VPS13C: variants seen among roughly 807,000 people sequenced by gnomAD.
The protein encoded by VPS13C is intermembrane lipid transfer protein VPS13C.
A neutral mutation model predicts 456.8 loss-of-function variants in VPS13C; 358 were observed. The ratio of observed to expected loss-of-function variants is 0.78; its 90% CI spans 0.72 to 0.86. The LOEUF is 0.86. Among genes scored for constraint, VPS13C ranks in the 40% least tolerant of loss-of-function variants. VPS13C has a pLI of 0.00. For synonymous variants in VPS13C, 1,578 were observed against 1,486.7 expected, an observed-to-expected ratio of 1.06 and a Z score of -1.41; for missense variants, 4,818 against 4,385.4, an observed-to-expected ratio of 1.10 and a Z score of -2.79.
chr15:61,939,569 G>A (rs1292328340), intron 47 of VPS13C, among the ~76,000 whole-genome samples: 1 of 151,952 alleles, frequency 6.6e-6, no homozygotes, highest in African/African-American at 2.4e-5. Context: ...TCCCATCCTC[G>A]GCTGTTTGGT....
intron 41 of VPS13C, 87 bp downstream of exon 41, chr15:61,950,271 G>A (rs556092617): frequency 6.2e-5 from 59 of 951,140 alleles, no homozygotes; most frequent in Admixed American, 3.6e-4. Flanking sequence ...TCTCACGTTA[G>A]AACTTACAAT....
chr15:61,864,542 T>A (rs890041376), intron 81 of VPS13C: 2 of 908,802 alleles, frequency 2.2e-6, no homozygotes, highest in African/African-American at 3.6e-5. Flanking sequence ...ATGCCAATAT[T>A]ATTAAAAGGA....
intron 35 of VPS13C, among the ~76,000 whole-genome samples, chr15:61,961,216 C>T (rs1453623346): frequency 6.6e-6 from 1 of 150,676 alleles, no homozygotes; most frequent in Non-Finnish European, 1.5e-5. Context: ...TGGTGAAACC[C>T]CATTTCTATT....
chr15:61,886,212 T>A (rs1472967641), intron 67 of VPS13C, among the ~76,000 whole-genome samples: 2 of 152,166 alleles, frequency 1.3e-5, no homozygotes, highest in Non-Finnish European at 2.9e-5. Flanking sequence ...TATTGTTTTT[T>A]GTATTTGTTA....
In VPS13C at chr15:61,917,599, C is replaced by T. The variant is rs762772134; in HGVS notation, c.7797G>A (p.Glu2599=). 16 of 1,612,666 alleles carry T rather than the reference C, an allele frequency of 9.9e-6. No individual in the cohort carries two copies. The Admixed American group carries it at 2.5e-4, about 25-fold the overall frequency. The change falls in exon 60 of 85, where the codon GAG becomes GAA. Residue 2599 remains glutamate, a synonymous_variant. Coordinates refer to ENST00000644861, the MANE Select transcript of VPS13C (RefSeq NM_020821.3). ...QLFIQPAGIL[E]HQYKESTTYI... ...AAGTGGTAGATTCTTTGTACTGATG[C>T]TCTAAGATTCCAGCTGGCTGGATAA...
chr15:61,865,194 C>T, intron 81 of VPS13C: 1 of 984,746 alleles, frequency 1.0e-6, no homozygotes. Flanking sequence ...TTTGCAAAAG[C>T]CCTTTACCCA....
chr15:61,886,023 T>A (rs1194308915), intron 67 of VPS13C, among the ~76,000 whole-genome samples: 1 of 152,126 alleles, frequency 6.6e-6, no homozygotes, highest in Non-Finnish European at 1.5e-5. Context: ...TGTCTTCAAT[T>A]CTTTAAGCAA....
chr15:62,046,254 G>A (rs1193110156), intron 1 of VPS13C, among the ~76,000 whole-genome samples: 1 of 152,044 alleles, frequency 6.6e-6, no homozygotes, highest in Non-Finnish European at 1.5e-5. Context: ...GTAACTTCAG[G>A]GTGAAAGACG....
chr15:61,917,547 T>A lies in VPS13C; in HGVS notation c.7849A>T (p.Arg2617Trp). 6.2e-7 allele frequency: 1 copy of A among 1,614,050 alleles called. No homozygotes were observed. The highest frequency in any genetic ancestry group is 8.5e-7 in the Non-Finnish European group (1 of 1,179,906). Residue 2617 changes from arginine to tryptophan, a missense_variant, in exon 60 of 85, where the codon AGG becomes TGG. Arg to Trp is a moderately radical substitution (Grantham distance 101). Coordinates refer to ENST00000644861, the MANE Select transcript of VPS13C (RefSeq NM_020821.3). ...AACATGCATCTGACTTCCCTGCTCCTATGAAGTTCTTCCTTCCAGGAAATA... is the reference window on the plus strand; with the variant it reads ...AACATGCATCTGACTTCCCTGCTCCAATGAAGTTCTTCCTTCCAGGAAATA... ...TYISWKEELH[R>W]SREVRCMLQC... is the part of the protein sequence containing the mutation.
intron 22 of VPS13C, among the ~76,000 whole-genome samples, chr15:61,980,072 T>C (rs1038293012): frequency 3.4e-5 from 5 of 148,570 alleles, no homozygotes; most frequent in Admixed American, 2.1e-4. Context: ...TAATCCCAGA[T>C]ACTTGTGAGG....
At chr15:62,012,946 G>T (rs2047097810) in intron 11 of VPS13C, 93 bp downstream of exon 11, 8 of 690,830 alleles carry the variant, frequency 1.2e-5, no homozygotes, top group Non-Finnish European at 2.3e-6. Context: ...TTAAACAAAT[G>T]GCTGATATCC....
chr15:62,004,527 C>T (rs2046762036), intron 15 of VPS13C, among the ~76,000 whole-genome samples: 1 of 146,044 alleles, frequency 6.8e-6, no homozygotes, highest in Admixed American at 6.9e-5. Flanking sequence ...TCCTTCAGTT[C>T]TGCTCTGATT....
At chr15:61,876,784 T>G (rs146271594) in intron 75 of VPS13C, among the ~76,000 whole-genome samples, 189 bp downstream of exon 75, 1 of 152,006 alleles carries the variant, frequency 6.6e-6, no homozygotes, top group African/African-American at 2.4e-5. Flanking sequence ...GGAGGAAAAT[T>G]TTCAAAAGGT....
intron 81 of VPS13C, chr15:61,865,380 T>C (rs12915283): frequency 0.072 from 70,604 of 978,230 alleles, 2,742 homozygotes; most frequent in Non-Finnish European, 0.077. Context: ...TAGATGGCAA[T>C]ACAAGAATTA....
chr15:61,995,175 G>A (rs957494569), intron 16 of VPS13C, among the ~76,000 whole-genome samples: 1 of 152,098 alleles, frequency 6.6e-6, no homozygotes, highest in Non-Finnish European at 1.5e-5. Context: ...ACTAATTTCA[G>A]TGAAAGTTTT....
In VPS13C at chr15:61,983,811, T is replaced by C; in HGVS notation, c.1914+9A>G. On this transcript the variant is annotated intron_variant, in intron 20 of 84. Transcript: ENST00000644861. ...TTTAAATAAAGAGTTACTTTCTCCT[T>C]GCACTTACAGCATCATAGATGACCT... 1 of 1,612,302 alleles carries C rather than the reference T, an allele frequency of 6.2e-7. No individual in the cohort carries two copies. Among genetic ancestry groups the C allele is most frequent in the Non-Finnish European group, 8.5e-7 (1 of 1,179,554 alleles).
chr15:62,017,136 GT>G (rs1235460369), intron 9 of VPS13C, among the ~76,000 whole-genome samples: 5 of 152,208 alleles, frequency 3.3e-5, no homozygotes, highest in Admixed American at 3.3e-4. Flanking sequence ...TGATGGGGTT[GT>G]TTTTTTCTTC....
chr15:61,854,512 T>G lies in VPS13C; in HGVS notation c.11207A>C (p.Gln3736Pro). ...IEDAQSTRQQ[Q>P]KLMKQSSVRL... ...CACTGATGACTGCTTCATCAATTTT[T>G]GCTGCTGTCTCGTTGACTGTGCATC... Residue 3736 changes from glutamine to proline, a missense_variant, in exon 85 of 85, where the codon CAA becomes CCA. Gln to Pro is a moderately conservative substitution (Grantham distance 76). Transcript: ENST00000644861. 3.1e-6 allele frequency: 5 copies of G among 1,614,180 alleles called. No homozygotes were observed. The highest frequency in any genetic ancestry group is 3.4e-6 in the Non-Finnish European group (4 of 1,179,996).
At chr15:61,889,220 G>T (rs541839157) in intron 67 of VPS13C, among the ~76,000 whole-genome samples, 1 of 152,038 alleles carries the variant, frequency 6.6e-6, no homozygotes, top group African/African-American at 2.4e-5. Flanking sequence ...GAACAAAAGG[G>T]AAAACTGGAC....
Sources: allele counts gnomAD v4.1 joint callset (sites outside exome capture counted in the v4.1 genomes callset), GRCh38; gene constraint gnomAD v4.1.1; transcripts MANE v1.5; gene names NCBI Gene and HGNC (gene_info 2026-07-23, HGNC 2026-07-21).